LRP1B: variants seen among roughly 807,000 people sequenced by gnomAD.
LRP1B encodes LDL receptor related protein 1B, also known as low-density lipoprotein receptor-related protein 1B.
Under a neutral mutation model 556.6 loss-of-function variants are expected in LRP1B, and 217 were observed. That is an observed-to-expected ratio of 0.39 (90% CI 0.35 to 0.44). The LOEUF is 0.44. LRP1B is among the 20% of genes least tolerant of loss of function. The pLI is 1.00. For missense variants in LRP1B, 5,053 were observed against 5,620.8 expected, an observed-to-expected ratio of 0.90 and a Z score of 3.23; for synonymous variants, 2,047 against 1,865.8, an observed-to-expected ratio of 1.10 and a Z score of -2.50.
At chr2:141,660,368 G>A (rs1316319385) in intron 2 of LRP1B, among the ~76,000 whole-genome samples, 3 of 152,170 alleles carry the variant, frequency 2.0e-5, no homozygotes, top group South Asian at 2.1e-4. Context: ...TGGGTTCCAA[G>A]CACAGAGCTG....
chr2:140,624,474 T>C (rs1683580437), intron 41 of LRP1B, among the ~76,000 whole-genome samples: 1 of 152,194 alleles, frequency 6.6e-6, no homozygotes, highest in Non-Finnish European at 1.5e-5. Context: ...CTAGCAAATC[T>C]GACTCTGCAA....
At chr2:140,828,384 C>T (rs1026641878) in intron 31 of LRP1B, among the ~76,000 whole-genome samples, 61 of 150,068 alleles carry the variant, frequency 4.1e-4, no homozygotes, top group Non-Finnish European at 7.0e-4. Flanking sequence ...CCGAGGCAGG[C>T]GGATCACGAG....
chr2:140,292,267 A>G (rs1683419240), intron 84 of LRP1B, among the ~76,000 whole-genome samples: 1 of 152,172 alleles, frequency 6.6e-6, no homozygotes, highest in Non-Finnish European at 1.5e-5. Flanking sequence ...GCATTTGTTG[A>G]AAGGATACAT....
At chr2:140,469,076 T>A (rs1410292355) in intron 60 of LRP1B, among the ~76,000 whole-genome samples, 1 of 152,184 alleles carries the variant, frequency 6.6e-6, no homozygotes, top group East Asian at 1.9e-4. Flanking sequence ...ATCAAATAAG[T>A]GTATTTTGCA....
chr2:141,884,752 T>C (rs368751419), intron 1 of LRP1B, among the ~76,000 whole-genome samples: 40 of 152,312 alleles, frequency 2.6e-4, no homozygotes, highest in African/African-American at 9.4e-4. Flanking sequence ...CTTCCTCAAA[T>C]TGCCCTCACA....
chr2:140,695,873 A>T (rs1047122560), intron 41 of LRP1B, among the ~76,000 whole-genome samples: 1 of 152,196 alleles, frequency 6.6e-6, no homozygotes, highest in African/African-American at 2.4e-5. Flanking sequence ...ATTGTATTTT[A>T]TGGCTATTGT....
intron 27 of LRP1B, among the ~76,000 whole-genome samples, chr2:140,866,451 T>C (rs114086356): frequency 0.021 from 3,262 of 152,060 alleles, 121 homozygotes; most frequent in African/African-American, 0.075. Flanking sequence ...GCTTTTTAGC[T>C]TATAAGGTGA....
At chr2:141,935,975 C>G (rs1700625389) in intron 1 of LRP1B, among the ~76,000 whole-genome samples, 1 of 152,086 alleles carries the variant, frequency 6.6e-6, no homozygotes, top group African/African-American at 2.4e-5. Flanking sequence ...ATAAATCATG[C>G]CACTTTCAAG....
chr2:140,333,663 A>C lies in LRP1B; in HGVS notation c.12223+790T>G, dbSNP rs150638352. 1.4e-3 allele frequency among the ~76,000 whole-genome samples: 218 copies of C among 152,214 alleles called. 1 individual carries two copies. Among genetic ancestry groups the C allele is most frequent in the African/African-American group, 4.7e-3 (194 of 41,564 alleles). ...AATTATTAAATAATATGTACTACGA[A>C]CAATGCATTATGTCCTTTCTGTGGA... On this transcript the variant is annotated intron_variant, in intron 79 of 90. Coordinates refer to ENST00000389484, the MANE Select transcript of LRP1B (RefSeq NM_018557.3).
At chr2:141,110,711 A>G (rs1420450925) in intron 7 of LRP1B, among the ~76,000 whole-genome samples, 2 of 151,924 alleles carry the variant, frequency 1.3e-5, no homozygotes, top group East Asian at 3.9e-4. Context: ...CTAGAGAGGG[A>G]ATGTACGATA....
chr2:141,068,788 C>T (rs72981102), intron 7 of LRP1B, among the ~76,000 whole-genome samples: 2,103 of 152,064 alleles, frequency 0.014, 42 homozygotes, highest in African/African-American at 0.047. Context: ...CTTACCCTCA[C>T]TATCTGCCTA....
rs1689222328 is a variant in LRP1B at position 140,769,275 on chromosome 2, T to C, written c.5696A>G (p.Lys1899Arg). The change falls in exon 35 of 91, where the codon AAA becomes AGA. Residue 1899 changes from lysine (K) to arginine (R), a missense_variant. Around this residue, in one of 5 missense-constraint regions of LRP1B, gnomAD observed 3,619 missense variants for 3,931.9 expected, o/e 0.92. Coordinates refer to ENST00000389484, the MANE Select transcript of LRP1B (RefSeq NM_018557.3). ...TGATATAGGCATCAAAGCATCCATT[T>C]TGTCACTTGGTTCAAGAGGTATTCC... ...IRGIPLEPSD[K>R]MDALMPISGT... 6 of 1,612,294 alleles carry C rather than the reference T, an allele frequency of 3.7e-6. No homozygotes were observed. Among genetic ancestry groups the C allele is most frequent in the Non-Finnish European group, 5.1e-6 (6 of 1,178,776 alleles).
intron 35 of LRP1B, among the ~76,000 whole-genome samples, chr2:140,748,718 C>A (rs1445560234): frequency 5.8e-5 from 7 of 119,924 alleles, no homozygotes. Context: ...ATATATATAT[C>A]ATATATATGA....
At chr2:140,844,260 C>T (rs1347133788) in intron 29 of LRP1B, among the ~76,000 whole-genome samples, 2 of 151,982 alleles carry the variant, frequency 1.3e-5, no homozygotes, top group Non-Finnish European at 2.9e-5. Context: ...GGTTGGGTTT[C>T]TCCATGTTGA....
At chr2:141,411,364 A>G (rs1434150991) in intron 3 of LRP1B, among the ~76,000 whole-genome samples, 3 of 152,244 alleles carry the variant, frequency 2.0e-5, no homozygotes, top group South Asian at 2.1e-4. Flanking sequence ...TGTTCTTTAT[A>G]TTTCATATAA....
intron 3 of LRP1B, among the ~76,000 whole-genome samples, chr2:141,375,889 C>T (rs549234167): frequency 1.7e-4 from 26 of 152,248 alleles, no homozygotes; most frequent in African/African-American, 6.3e-4. Context: ...TGATCAGTGA[C>T]TGCAGCCCCT....
Position 141,491,471 on chromosome 2 carries a change from T to C in LRP1B, c.206-10938A>G, listed in dbSNP as rs1334448019. 5.4e-5 allele frequency among the ~76,000 whole-genome samples: 8 copies of C among 147,784 alleles called. No individual in the cohort carries two copies. In the East Asian group the frequency reaches 1.6e-3, roughly 29 times the overall value. ...AAAGCAAAGCTTTTTCCTCTTGTTC[T>C]TTGGGACTACTTTACCTGTTCTAAC... On this transcript the variant is annotated intron_variant, in intron 2 of 90. Coordinates refer to ENST00000389484, the MANE Select transcript of LRP1B (RefSeq NM_018557.3).
intron 27 of LRP1B, among the ~76,000 whole-genome samples, chr2:140,856,359 T>G (rs1692617534): frequency 6.6e-6 from 1 of 152,246 alleles, no homozygotes; most frequent in African/African-American, 2.4e-5. Context: ...CACGAAATAT[T>G]GGTTATAATT....
chr2:140,374,377 C>T (rs1683128914), intron 68 of LRP1B, among the ~76,000 whole-genome samples: 1 of 152,142 alleles, frequency 6.6e-6, no homozygotes, highest in African/African-American at 2.4e-5. Context: ...CCAGGTTCAT[C>T]CCCATATAAG....
Sources: gnomAD v4.1 joint callset for allele counts (sites outside exome capture counted in the v4.1 genomes callset) on GRCh38, gnomAD v4.1.1 for gene constraint, gnomAD v4.1.1 regional missense constraint, MANE v1.5 for transcripts, NCBI Gene and HGNC (gene_info 2026-07-23, HGNC 2026-07-21) for gene names.